The following CAMTA1 variants were observed in gnomAD, a reference collection of about 807,000 sequenced individuals.
CAMTA1 encodes the protein calmodulin-binding transcription activator 1.
In CAMTA1, 27 loss-of-function variants were observed where a neutral mutation model predicts 170.9. The observed-to-expected ratio is 0.16, with a 90% CI of 0.12 to 0.22. CAMTA1 has a LOEUF of 0.22. Ranked by LOEUF, CAMTA1 falls within the 10% of genes least tolerant of loss-of-function variation. CAMTA1 has a pLI of 1.00. For missense variants in CAMTA1, 1,619 were observed against 2,217.2 expected, an observed-to-expected ratio of 0.73 and a Z score of 5.42; for synonymous variants, 833 against 891.5, an observed-to-expected ratio of 0.93 and a Z score of 1.17.
chr1:7,765,700 A>G (rs1577531488), intron 22 of CAMTA1, among the ~76,000 whole-genome samples: 1 of 152,228 alleles, frequency 6.6e-6, no homozygotes, highest in East Asian at 1.9e-4. Flanking sequence ...GAGTCTATGA[A>G]CAAAGCAGTA....
chr1:7,595,235 A>G (rs2150518844), intron 6 of CAMTA1, among the ~76,000 whole-genome samples: 1 of 152,318 alleles, frequency 6.6e-6, no homozygotes. Flanking sequence ...ATCAAATGTG[A>G]TCAGCTTTCA....
chr1:7,504,331 T>C (rs1390461461), intron 6 of CAMTA1, among the ~76,000 whole-genome samples: 2 of 152,228 alleles, frequency 1.3e-5, no homozygotes, highest in Non-Finnish European at 2.9e-5. Context: ...TGGCTCCTGG[T>C]ACCCAGGCTT....
intron 4 of CAMTA1, among the ~76,000 whole-genome samples, chr1:7,178,865 CT>C (rs1199903861): frequency 6.6e-6 from 1 of 152,196 alleles, no homozygotes; most frequent in Non-Finnish European, 1.5e-5. Flanking sequence ...GTTTTCTGTT[CT>C]GTTAATCTTT....
At chr1:7,236,234 C>A (rs1354307735) in intron 4 of CAMTA1, among the ~76,000 whole-genome samples, 1 of 152,212 alleles carries the variant, frequency 6.6e-6, no homozygotes, top group Non-Finnish European at 1.5e-5. Context: ...TTCCATGTGG[C>A]GGTCCTGTCA....
chr1:7,661,804 T>C lies in CAMTA1; in HGVS notation c.743T>C (p.Leu248Pro). ...FSVEQLVQQI[L>P]DSHQTKPQPR... ...GTGGAACAGCTGGTGCAGCAGATCC[T>C]CGACAGCCACCAGACCAAGCCCCAG... is the stretch of plus-strand genomic sequence containing the variant. Residue 248 changes from leucine to proline, a missense_variant, in exon 8 of 23, where the codon CTC becomes CCC. Physicochemically the swap from Leu to Pro is moderately conservative, Grantham distance 98 (BLOSUM62 -3). Around this residue, in one of 8 missense-constraint regions of CAMTA1, gnomAD observed 731 missense variants for 907.6 expected, o/e 0.81. Transcript: ENST00000303635. 1 of 1,613,302 alleles carries C rather than the reference T, an allele frequency of 6.2e-7. No individual in the cohort carries two copies. The highest frequency in any genetic ancestry group is 8.5e-7 in the Non-Finnish European group (1 of 1,179,902).
At chr1:7,594,693 G>A (rs2150514236) in intron 6 of CAMTA1, among the ~76,000 whole-genome samples, 1 of 152,316 alleles carries the variant, frequency 6.6e-6, no homozygotes, top group Non-Finnish European at 1.5e-5. Flanking sequence ...CTATTTTGAG[G>A]CAAGGTTGAC....
At chr1:7,071,973 A>C (rs1285292963) in intron 3 of CAMTA1, among the ~76,000 whole-genome samples, 1 of 152,116 alleles carries the variant, frequency 6.6e-6, no homozygotes, top group African/African-American at 2.4e-5. Flanking sequence ...AGTGGTGAAG[A>C]TGGACTCGTA....
rs1357774098 is a variant in CAMTA1, at chr1:7,673,163, GC to G, written c.2779+2127del. ...TCGCCTGGCTAAGGACCAGGGCAGG[GC>G]TGCTTAGGTCTGCTCTCAGTTATCT... On this transcript the variant is annotated intron_variant, in intron 10 of 22. Coordinates refer to ENST00000303635, the MANE Select transcript of CAMTA1 (RefSeq NM_015215.4). The surrounding 1 kb of genome is among the most constrained non-coding windows in gnomAD (Gnocchi z 4.6). Among the ~76,000 whole-genome samples, 2 of 152,210 alleles carry G rather than the reference GC, an allele frequency of 1.3e-5. No individual in the cohort carries two copies. Among genetic ancestry groups the G allele is most frequent in the African/African-American group, 4.8e-5 (2 of 41,468 alleles).
chr1:7,094,830 G>A (rs1233563964), intron 4 of CAMTA1, among the ~76,000 whole-genome samples: 2 of 152,210 alleles, frequency 1.3e-5, no homozygotes, highest in Admixed American at 6.5e-5. Flanking sequence ...TCACCCTGCG[G>A]AACGTGTTTT....
intron 6 of CAMTA1, among the ~76,000 whole-genome samples, chr1:7,527,705 C>T (rs770147399): frequency 2.6e-5 from 4 of 152,228 alleles, no homozygotes; most frequent in Non-Finnish European, 4.4e-5. Context: ...TAGAAGCTGC[C>T]TCGACCCGGA....
chr1:7,633,287 T>A lies in CAMTA1; in HGVS notation c.511-7113T>A, dbSNP rs1050785555. Among the ~76,000 whole-genome samples, 3 of 152,192 alleles carry A rather than the reference T, an allele frequency of 2.0e-5. No homozygotes were observed. Among genetic ancestry groups the A allele is most frequent in the Non-Finnish European group, 4.4e-5 (3 of 68,034 alleles). The stretch of plus-strand genomic sequence containing the variant: ...TGTGCCTGGCAGGGCCCTGGGAGTC[T>A]GGAACTGGGGAGGTCAGCAGCTCCA... On this transcript the variant is annotated intron_variant, in intron 6 of 22. Transcript: ENST00000303635. This position sits in a 1 kb window ranked among gnomAD's most constrained non-coding sequence, Gnocchi z 4.1.
chr1:7,549,426 C>G (rs1216141907), intron 6 of CAMTA1, among the ~76,000 whole-genome samples: 6 of 152,116 alleles, frequency 3.9e-5, no homozygotes, highest in Admixed American at 3.9e-4. Flanking sequence ...TTGGCCACCT[C>G]CCTCATCCTT....
chr1:7,324,207 T>C (rs1574681684), intron 5 of CAMTA1, among the ~76,000 whole-genome samples: 1 of 152,346 alleles, frequency 6.6e-6, no homozygotes, highest in Admixed American at 6.5e-5. Context: ...AGTTGTAACT[T>C]CCTCTTGAAT....
intron 4 of CAMTA1, among the ~76,000 whole-genome samples, chr1:7,188,614 G>C (rs968319820): frequency 6.6e-6 from 1 of 152,034 alleles, no homozygotes; most frequent in African/African-American, 2.4e-5. Context: ...TCATCTTCAG[G>C]GTTCATCCAT....
At chr1:7,544,399 ACAGCCAAACCACAT>A (rs1325985577) in intron 6 of CAMTA1, among the ~76,000 whole-genome samples, 5 of 152,198 alleles carry the variant, frequency 3.3e-5, no homozygotes, top group Non-Finnish European at 7.4e-5. Context: ...GGGTGGGGAC[ACAGCCAAACCACAT>A]CAGTTGGGGA....
intron 3 of CAMTA1, among the ~76,000 whole-genome samples, chr1:7,075,697 C>G (rs1160719284): frequency 2.1e-5 from 3 of 143,836 alleles, no homozygotes; most frequent in African/African-American, 7.8e-5. Flanking sequence ...GAGTCTTGCT[C>G]TGTCATCCAG....
chr1:7,225,802 G>A (rs1264341388), intron 4 of CAMTA1, among the ~76,000 whole-genome samples: 1 of 152,218 alleles, frequency 6.6e-6, no homozygotes, highest in Non-Finnish European at 1.5e-5. Context: ...TCAGGGTCTA[G>A]TCTCCCTGCA....
At chr1:6,953,870 C>T (rs1006139903) in intron 3 of CAMTA1, among the ~76,000 whole-genome samples, 4 of 152,018 alleles carry the variant, frequency 2.6e-5, no homozygotes, top group African/African-American at 7.2e-5. Context: ...GTCCGTGAAA[C>T]GACGGGTTTG....
intron 3 of CAMTA1, among the ~76,000 whole-genome samples, chr1:7,042,658 G>A (rs751191640): frequency 7.9e-5 from 12 of 152,296 alleles, no homozygotes; most frequent in Non-Finnish European, 1.5e-4. Context: ...GTTGGAGCGC[G>A]GAGGCCTTTC....
Sources: gnomAD v4.1 joint callset for allele counts (sites outside exome capture counted in the v4.1 genomes callset) on GRCh38, gnomAD v4.1.1 for gene constraint, gnomAD v4.1.1 regional missense constraint, Gnocchi (gnomAD v3.1) non-coding constraint, MANE v1.5 for transcripts, NCBI Gene and HGNC (gene_info 2026-07-23, HGNC 2026-07-21) for gene names.